Variants in MYT1L observed in about 807,000 individuals in gnomAD.
The protein encoded by MYT1L is myelin transcription factor 1-like protein.
A neutral mutation model predicts 126.7 loss-of-function variants in MYT1L; 12 were observed. The observed-to-expected ratio is 0.09, with a 90% confidence interval of 0.06 to 0.15. The LOEUF is 0.15. Ranked by LOEUF, MYT1L falls within the 10% of genes least tolerant of loss-of-function variation. The probability of loss-of-function intolerance (pLI) is 1.00; values close to 1 mark genes in which losing one functional copy is unlikely to be tolerated. For missense variants in MYT1L, 979 were observed against 1,585.2 expected, an observed-to-expected ratio of 0.62 and a Z score of 6.49; for synonymous variants, 541 against 604.2, an observed-to-expected ratio of 0.90 and a Z score of 1.53.
At chr2:2,197,497 A>G (rs1302124797) in intron 2 of MYT1L, among the ~76,000 whole-genome samples, 1 of 152,016 alleles carries the variant, frequency 6.6e-6, no homozygotes, top group Non-Finnish European at 1.5e-5. Context: ...ATGCACACAC[A>G]CATGCATACA....
chr2:2,223,488 T>G (rs954739817), intron 2 of MYT1L, among the ~76,000 whole-genome samples: 2 of 152,212 alleles, frequency 1.3e-5, no homozygotes, highest in Non-Finnish European at 2.9e-5. Context: ...CTGTCCAACA[T>G]TTTGTTGTTT....
At chr2:2,234,926 C>T (rs572858383) in intron 2 of MYT1L, among the ~76,000 whole-genome samples, 6 of 152,364 alleles carry the variant, frequency 3.9e-5, no homozygotes, top group African/African-American at 1.4e-4. Context: ...TTTCCAAACC[C>T]AGCCTCCAGC....
At chr2:2,152,258 G>A (rs948371973) in intron 3 of MYT1L, among the ~76,000 whole-genome samples, 2 of 152,226 alleles carry the variant, frequency 1.3e-5, no homozygotes, top group Non-Finnish European at 2.9e-5. Flanking sequence ...GCGTGCACAC[G>A]CTGGGCAAGG....
intron 2 of MYT1L, among the ~76,000 whole-genome samples, chr2:2,212,116 T>A (rs1277588640): frequency 2.0e-5 from 3 of 152,176 alleles, no homozygotes; most frequent in African/African-American, 7.2e-5. Flanking sequence ...GCGGTGTCTA[T>A]ATGCGTATAT....
intron 21 of MYT1L, among the ~76,000 whole-genome samples, chr2:1,814,724 C>T (rs4853756): frequency 0.48 from 73,625 of 152,028 alleles, 18,211 homozygotes; most frequent in Middle Eastern, 0.6. Context: ...GGGCAGGTCT[C>T]ACTTTCTTTT....
chr2:2,121,180 T>C (rs571728859), intron 3 of MYT1L, among the ~76,000 whole-genome samples: 1 of 152,338 alleles, frequency 6.6e-6, no homozygotes, highest in African/African-American at 2.4e-5. Context: ...CCTTCAATCA[T>C]ATTGGCGAGG....
intron 21 of MYT1L, among the ~76,000 whole-genome samples, chr2:1,820,608 C>A (rs576612999): frequency 6.6e-6 from 1 of 152,252 alleles, no homozygotes; most frequent in East Asian, 1.9e-4. Context: ...AGTTCAGTGG[C>A]ATGATCATAC....
At chr2:1,987,319 GTT>G (rs1035573294) in intron 5 of MYT1L, among the ~76,000 whole-genome samples, 1 of 143,502 alleles carries the variant, frequency 7.0e-6, no homozygotes, top group African/African-American at 2.5e-5. Context: ...TGTTTTTTTT[GTT>G]TTTTTTTTTC....
At chr2:2,086,247 A>G (rs2076340183) in intron 3 of MYT1L, among the ~76,000 whole-genome samples, 1 of 152,240 alleles carries the variant, frequency 6.6e-6, no homozygotes. Context: ...ATATAGCACC[A>G]AAGATCAACA....
chr2:2,111,293 T>C (rs1337565800), intron 3 of MYT1L, among the ~76,000 whole-genome samples: 3 of 152,148 alleles, frequency 2.0e-5, no homozygotes, highest in Non-Finnish European at 4.4e-5. Context: ...CCCCGCCTGG[T>C]GTCTCACAGG....
At chr2:2,314,762 C>T (rs962726764) in intron 1 of MYT1L, among the ~76,000 whole-genome samples, 1 of 152,086 alleles carries the variant, frequency 6.6e-6, no homozygotes, top group African/African-American at 2.4e-5. Flanking sequence ...TATCATGCTA[C>T]CCAACTTCAA....
At chr2:1,798,411 C>T (rs2034217897) in intron 23 of MYT1L, among the ~76,000 whole-genome samples, 1 of 152,218 alleles carries the variant, frequency 6.6e-6, no homozygotes, top group Non-Finnish European at 1.5e-5. Flanking sequence ...GGCTGTAGGC[C>T]TGAGCACTGA....
chr2:2,001,886 C>G (rs1045990203), intron 4 of MYT1L, among the ~76,000 whole-genome samples: 1 of 152,178 alleles, frequency 6.6e-6, no homozygotes, highest in African/African-American at 2.4e-5. Flanking sequence ...CTTGTTACCT[C>G]CAGATCCTCT....
rs150103769 is a variant in MYT1L, at chr2:2,252,045, C to G, written c.-421+32359G>C. Among the ~76,000 whole-genome samples the G allele has an allele frequency of 2.4e-3, 369 of 152,138 alleles. 1 individual carries two copies. The highest frequency in any genetic ancestry group is 8.7e-3 in the African/African-American group (362 of 41,484). On this transcript the variant is annotated intron_variant, in intron 2 of 24. Transcript: ENST00000647738. ...TTACCTGAAGTTACCTAAATTTTGGCCAGGGGAAAATGTAAACTAAAATTC... is the reference window on the plus strand; with the variant it reads ...TTACCTGAAGTTACCTAAATTTTGGGCAGGGGAAAATGTAAACTAAAATTC...
intron 3 of MYT1L, among the ~76,000 whole-genome samples, chr2:2,144,892 C>A (rs772203688): frequency 5.3e-5 from 8 of 152,180 alleles, no homozygotes; most frequent in Non-Finnish European, 1.0e-4. Flanking sequence ...AAGAATATTG[C>A]AGTGAATTAT....
rs192493516 is a variant in MYT1L at position 2,134,905 on chromosome 2, C to G, written c.-304+37967G>C. Among the ~76,000 whole-genome samples, 173 of 152,296 alleles carry G rather than the reference C, an allele frequency of 1.1e-3. 1 individual carries two copies. The highest frequency in any genetic ancestry group is 3.5e-3 in the African/African-American group (147 of 41,572). On this transcript the variant is annotated intron_variant, in intron 3 of 24. Coordinates refer to ENST00000647738, the MANE Select transcript of MYT1L (RefSeq NM_001303052.2). Reference sequence around the variant, plus strand: ...ACTTTCTCTTCATCACAGGTAGCTGCCTACCCAGGTGAAACTCTTGCACCT... The same window carrying G: ...ACTTTCTCTTCATCACAGGTAGCTGGCTACCCAGGTGAAACTCTTGCACCT...
intron 4 of MYT1L, among the ~76,000 whole-genome samples, chr2:2,004,290 C>CGTTCTTTCCTGCATGT (rs1558698082): frequency 1.4e-5 from 2 of 139,324 alleles, no homozygotes; most frequent in African/African-American, 5.4e-5. Context: ...TTCCTGCATG[C>CGTTCTTTCCTGCATGT]GTTCTTTCCT....
chr2:2,167,153 C>T (rs1246706194), intron 3 of MYT1L, among the ~76,000 whole-genome samples: 5 of 152,178 alleles, frequency 3.3e-5, no homozygotes, highest in African/African-American at 1.2e-4. Flanking sequence ...GCAGGTTTTA[C>T]AGGCATTAGT....
At chr2:2,265,562 C>G (rs922885865) in intron 2 of MYT1L, among the ~76,000 whole-genome samples, 11 of 152,182 alleles carry the variant, frequency 7.2e-5, no homozygotes, top group East Asian at 1.9e-4. Context: ...GCCTTCCTCC[C>G]GAGTCTAATT....
Sources: gnomAD v4.1 joint callset for allele counts (sites outside exome capture counted in the v4.1 genomes callset) on GRCh38, gnomAD v4.1.1 for gene constraint, MANE v1.5 for transcripts, NCBI Gene and HGNC (gene_info 2026-07-23, HGNC 2026-07-21) for gene names.